The following POC5 variants were observed in gnomAD, a reference collection of about 807,000 sequenced individuals.
The protein encoded by POC5 is POC5 centriolar protein.
POC5 carries 48 observed loss-of-function variants against 62.9 expected under a neutral mutation model. The observed-to-expected ratio is 0.76, with a 90% CI of 0.61 to 0.97. POC5 has a LOEUF of 0.97. Among genes scored for constraint, POC5 ranks in the 50% least tolerant of loss-of-function variants. The pLI is 0.00. For missense variants in POC5, 696 were observed against 679.5 expected (o/e 1.02, Z -0.27); for synonymous variants, 236 against 228.2 (o/e 1.03, Z -0.31).
At chr5:75,709,301 T>G (rs1777248251) in intron 2 of POC5, among the ~76,000 whole-genome samples, 1 of 152,212 alleles carries the variant, frequency 6.6e-6, no homozygotes, top group Non-Finnish European at 1.5e-5. Flanking sequence ...AATCAACCAT[T>G]TTTGTTAGTG....
At chr5:75,683,030 C>A (rs1249582339) in intron 10 of POC5, among the ~76,000 whole-genome samples, 1 of 152,196 alleles carries the variant, frequency 6.6e-6, no homozygotes, top group Non-Finnish European at 1.5e-5. Flanking sequence ...CTACAGACAG[C>A]CGTCCAGAGC....
At chr5:75,679,153 A>AT (rs1203331438) in intron 10 of POC5, among the ~76,000 whole-genome samples, 8 of 152,184 alleles carry the variant, frequency 5.3e-5, no homozygotes, top group Non-Finnish European at 1.2e-4. Context: ...ATGCACATCC[A>AT]TTTTTTTAAG....
chr5:75,692,550 T>C (rs1187812444), intron 6 of POC5, 50 bp from the exon 7 acceptor site: 1 of 1,314,256 alleles, frequency 7.6e-7, no homozygotes, highest in Admixed American at 2.1e-5. Context: ...TAACAGCAAT[T>C]GGTAAAGTGA....
chr5:75,674,804 C>G (rs1254048326), intron 11 of POC5, among the ~76,000 whole-genome samples: 1 of 152,188 alleles, frequency 6.6e-6, no homozygotes, highest in East Asian at 1.9e-4. Flanking sequence ...AATATCAGAG[C>G]TATATCCACA....
Position 75,685,486 on chromosome 5 carries a change from T to C in POC5, c.1130-2A>G. On this transcript the variant is annotated splice_acceptor_variant, in intron 9 of 11. Transcript: ENST00000428202. LOFTEE classifies it high-confidence loss of function. Reference sequence around the variant, plus strand: ...TTTTATTATTTGTGGAGTCTATCCCTATAAATCACAAATTAATTCCATTCA... The same window carrying C: ...TTTTATTATTTGTGGAGTCTATCCCCATAAATCACAAATTAATTCCATTCA... The C allele has an allele frequency of 6.2e-7, 1 of 1,601,968 alleles. No homozygotes were observed. Among genetic ancestry groups the C allele is most frequent in the Non-Finnish European group, 8.5e-7 (1 of 1,170,410 alleles).
intron 9 of POC5, 91 bp downstream of exon 9, chr5:75,688,921 A>C: frequency 1.7e-6 from 2 of 1,211,460 alleles, no homozygotes; most frequent in South Asian, 2.4e-5. Context: ...TACCTACTGC[A>C]GATTATTTGT....
intron 5 of POC5, among the ~76,000 whole-genome samples, chr5:75,697,144 C>A (rs1178046946): frequency 6.6e-6 from 1 of 152,128 alleles, no homozygotes; most frequent in Non-Finnish European, 1.5e-5. Flanking sequence ...GGATATTAAT[C>A]CAGGAGAACT....
intron 5 of POC5, among the ~76,000 whole-genome samples, chr5:75,698,581 A>C (rs1430981041): frequency 1.3e-5 from 2 of 152,170 alleles, no homozygotes; most frequent in Non-Finnish European, 2.9e-5. Flanking sequence ...TGTAGAGGGA[A>C]ATTTATAGCA....
At chr5:75,707,708 T>C in intron 3 of POC5, 29 bp downstream of exon 3, 1 of 1,448,924 alleles carries the variant, frequency 6.9e-7, no homozygotes, top group Non-Finnish European at 9.4e-7. Flanking sequence ...TATTTTAAAT[T>C]AAGAGATATC....
chr5:75,697,306 G>C (rs1776648393), intron 5 of POC5, among the ~76,000 whole-genome samples: 1 of 152,118 alleles, frequency 6.6e-6, no homozygotes, highest in South Asian at 2.1e-4. Flanking sequence ...CAGCCAGAGA[G>C]AAAGGTCGGG....
At chr5:75,675,466 A>G (rs1775615675) in intron 11 of POC5, among the ~76,000 whole-genome samples, 1 of 152,200 alleles carries the variant, frequency 6.6e-6, no homozygotes, top group Non-Finnish European at 1.5e-5. Flanking sequence ...AACATTCACT[A>G]TGTATTTAAA....
At chr5:75,710,723 G>A (rs1777308437) in intron 2 of POC5, among the ~76,000 whole-genome samples, 1 of 152,198 alleles carries the variant, frequency 6.6e-6, no homozygotes, top group Admixed American at 6.5e-5. Context: ...ATGGTAGCCT[G>A]AGCAGATTAA....
At chr5:75,680,790 C>A (rs189238026) in intron 10 of POC5, among the ~76,000 whole-genome samples, 14 of 152,088 alleles carry the variant, frequency 9.2e-5, no homozygotes, top group Non-Finnish European at 1.8e-4. Flanking sequence ...AATTGGAGAT[C>A]ATAGAAAATA....
chr5:75,699,279 A>G (rs1776757238), intron 5 of POC5, among the ~76,000 whole-genome samples: 1 of 152,050 alleles, frequency 6.6e-6, no homozygotes, highest in African/African-American at 2.4e-5. Context: ...AGAGAATTTT[A>G]GACCAATATC....
At chr5:75,686,360 T>C (rs1776099155) in intron 9 of POC5, among the ~76,000 whole-genome samples, 1 of 152,168 alleles carries the variant, frequency 6.6e-6, no homozygotes, top group Non-Finnish European at 1.5e-5. Context: ...ATGTAAGTTG[T>C]ATGTTTAAAT....
At chr5:75,688,090 T>C (rs1172014165) in intron 9 of POC5, among the ~76,000 whole-genome samples, 1 of 152,192 alleles carries the variant, frequency 6.6e-6, no homozygotes, top group African/African-American at 2.4e-5. Context: ...ATCCACAATA[T>C]GCATGCTTTA....
intron 6 of POC5, among the ~76,000 whole-genome samples, chr5:75,694,166 G>A (rs1776459922): frequency 6.6e-6 from 1 of 151,970 alleles, no homozygotes; most frequent in South Asian, 2.1e-4. Flanking sequence ...GGGCAACATA[G>A]CAAGACCCTG....
Position 75,689,150 on chromosome 5 carries a change from C to T in POC5, c.991G>A (p.Glu331Lys), listed in dbSNP as rs771157896. 3.2e-6 allele frequency: 5 copies of T among 1,552,990 alleles called. No homozygotes were observed. Among genetic ancestry groups the T allele is most frequent in the Admixed American group, 4.0e-5 (2 of 50,606 alleles). ...CTTTGAATCTCAGCTTTTGCATTTT[C>T]CAAAGCTCCAGATAACTAAAATAAG... ...AKVAMLSGAL[E>K]NAKAEIQRMQ... is the part of the protein sequence containing the mutation. The change falls in exon 9 of 12, where the codon GAA becomes AAA. Residue 331 changes from glutamate (E) to lysine (K), a missense_variant. Coordinates refer to ENST00000428202, the MANE Select transcript of POC5 (RefSeq NM_001099271.2).
Position 75,674,301 on chromosome 5 carries a change from C to G in POC5, c.*134G>C, listed in dbSNP as rs764493227. 162 of 824,440 alleles carry G rather than the reference C, an allele frequency of 2.0e-4. No homozygotes were observed. Among genetic ancestry groups the G allele is most frequent in the Non-Finnish European group, 2.8e-4 (153 of 556,154 alleles). The allele number at this position is 824,440 out of a possible 1,614,324, so 51.1% of individuals were successfully genotyped here. On this transcript the variant is annotated 3_prime_UTR_variant, in exon 12 of 12. Coordinates refer to ENST00000428202, the MANE Select transcript of POC5 (RefSeq NM_001099271.2). ...CAAAGCATGGTAGAGCTTGAAAAAG[C>G]CTCTTGTAATTTTGAACAGATGAAC...
Sources: gnomAD v4.1 joint callset for allele counts (sites outside exome capture counted in the v4.1 genomes callset) on GRCh38, gnomAD v4.1.1 for gene constraint, MANE v1.5 for transcripts, NCBI Gene and HGNC (gene_info 2026-07-23, HGNC 2026-07-21) for gene names.